TTC28: variants seen among roughly 807,000 people sequenced by gnomAD.
The protein encoded by TTC28 is tetratricopeptide repeat protein 28.
TTC28 carries 61 observed loss-of-function variants against 198.0 expected under a neutral mutation model. The ratio of observed to expected loss-of-function variants is 0.31; its 90% CI spans 0.25 to 0.38. The LOEUF (loss-of-function observed/expected upper bound fraction) is 0.38, where lower values mean the gene tolerates loss of function less well. Ranked by LOEUF, TTC28 falls within the 10% of genes least tolerant of loss-of-function variation. TTC28 has a pLI of 1.00. For synonymous variants in TTC28, 1,171 were observed against 1,297.8 expected, an observed-to-expected ratio of 0.90 and a Z score of 2.10; for missense variants, 2,678 against 3,164.0, an observed-to-expected ratio of 0.85 and a Z score of 3.69.
chr22:28,098,022 T>C (rs951815416), intron 10 of TTC28, among the ~76,000 whole-genome samples: 2 of 152,198 alleles, frequency 1.3e-5, no homozygotes, highest in African/African-American at 4.8e-5. Flanking sequence ...GGCCTCAACA[T>C]CCAAATTCAA....
At chr22:28,265,224 C>A (rs1488102532) in intron 5 of TTC28, among the ~76,000 whole-genome samples, 2 of 152,124 alleles carry the variant, frequency 1.3e-5, no homozygotes, top group Non-Finnish European at 2.9e-5. Flanking sequence ...TGATGTACTG[C>A]TCGATTGTAA....
intron 6 of TTC28, among the ~76,000 whole-genome samples, chr22:28,131,127 C>T (rs529407801): frequency 1.5e-4 from 23 of 152,216 alleles, no homozygotes; most frequent in African/African-American, 4.3e-4. Context: ...CAGGCAAGGA[C>T]GGTGAATTTA....
chr22:28,019,877 C>A (rs1029018190), intron 13 of TTC28, among the ~76,000 whole-genome samples: 1 of 152,204 alleles, frequency 6.6e-6, no homozygotes, highest in Non-Finnish European at 1.5e-5. Context: ...GTGGCAGGGG[C>A]CATGCTGCCC....
intron 5 of TTC28, among the ~76,000 whole-genome samples, chr22:28,205,716 T>C (rs1926345469): frequency 6.6e-6 from 1 of 152,120 alleles, no homozygotes; most frequent in Non-Finnish European, 1.5e-5. Flanking sequence ...AATGAAGGTA[T>C]GATTTCTCAG....
intron 3 of TTC28, among the ~76,000 whole-genome samples, chr22:28,302,768 G>A (rs892328018): frequency 4.6e-5 from 7 of 152,022 alleles, no homozygotes; most frequent in South Asian, 2.1e-4. Context: ...TCCGCCTCCC[G>A]GGTTCAAGCG....
chr22:28,407,156 A>G (rs1038233709), intron 2 of TTC28, among the ~76,000 whole-genome samples: 2 of 152,270 alleles, frequency 1.3e-5, no homozygotes, highest in Non-Finnish European at 2.9e-5. Context: ...AAGCGGGGAC[A>G]CAATAGTGGA....
chr22:28,468,494 A>G (rs776814801), intron 2 of TTC28, among the ~76,000 whole-genome samples: 1 of 151,314 alleles, frequency 6.6e-6, no homozygotes, highest in African/African-American at 2.4e-5. Context: ...CATTTCTTTC[A>G]TACTTAAAAG....
At chr22:28,428,628 T>TTATTTTATTC (rs2047385829) in intron 2 of TTC28, among the ~76,000 whole-genome samples, 1 of 144,324 alleles carries the variant, frequency 6.9e-6, no homozygotes, top group Non-Finnish European at 1.6e-5. Context: ...TTATTTTATT[T>TTATTTTATTC]TATTTTATTT....
intron 2 of TTC28, among the ~76,000 whole-genome samples, chr22:28,372,084 T>C (rs2046346719): frequency 6.6e-6 from 1 of 151,812 alleles, no homozygotes; most frequent in Non-Finnish European, 1.5e-5. Context: ...CAAGACCCTG[T>C]TTCCCCCTAC....
chr22:28,663,625 A>G (rs2051790613), intron 1 of TTC28, among the ~76,000 whole-genome samples: 2 of 126,232 alleles, frequency 1.6e-5, no homozygotes, highest in African/African-American at 3.1e-5. Context: ...ACTATATCCC[A>G]CACCTGGCTC....
chr22:28,515,961 A>G (rs2048777681), intron 2 of TTC28, among the ~76,000 whole-genome samples: 2 of 152,138 alleles, frequency 1.3e-5, no homozygotes. Flanking sequence ...CCTGGCCAAC[A>G]TGGCGAAACA....
chr22:28,594,766 G>A (rs2050508374), intron 2 of TTC28, among the ~76,000 whole-genome samples: 1 of 152,106 alleles, frequency 6.6e-6, no homozygotes, highest in Non-Finnish European at 1.5e-5. Flanking sequence ...GAATTCTATA[G>A]GAAAAGGAAA....
In TTC28 at chr22:28,163,141, AG is replaced by A; in HGVS notation, c.1391del (p.Ala464ValfsTer17). On this transcript the variant is annotated frameshift_variant, in exon 6 of 23. Coordinates refer to ENST00000397906, the MANE Select transcript of TTC28 (RefSeq NM_001145418.2). LOFTEE classifies it high-confidence loss of function. ...CTGCAGCCCGGTCCTTGAGATCCTC[AG>A]CAATGCCCAGCTGCTGCTCATGGTA... is the stretch of plus-strand genomic sequence containing the variant. ...KQYHEQQLGIAEDLKDRAAEG... is the reference protein window; with the variant it reads ...KQYHEQQLGIXEDLKDRAAEG... 6.4e-7 allele frequency: 1 copy of A among 1,551,682 alleles called. No homozygotes were observed. The highest frequency in any genetic ancestry group is 8.7e-7 in the Non-Finnish European group (1 of 1,146,976).
intron 2 of TTC28, among the ~76,000 whole-genome samples, chr22:28,387,211 C>T (rs190024115): frequency 1.5e-3 from 222 of 152,238 alleles, no homozygotes; most frequent in East Asian, 3.7e-3. Context: ...CCATGGTGTA[C>T]ATGTGCCACA....
intron 2 of TTC28, among the ~76,000 whole-genome samples, chr22:28,528,127 G>C (rs1393537116): frequency 3.3e-5 from 5 of 152,108 alleles, no homozygotes; most frequent in Non-Finnish European, 7.4e-5. Flanking sequence ...CACAGCAATG[G>C]GGTAGAATGA....
chr22:28,101,617 C>T (rs1174087479), intron 8 of TTC28, among the ~76,000 whole-genome samples: 1 of 151,868 alleles, frequency 6.6e-6, no homozygotes, highest in African/African-American at 2.4e-5. Flanking sequence ...GATCCACCCA[C>T]CCCGGTCTCC....
At chr22:28,224,974 T>C (rs1402704938) in intron 5 of TTC28, among the ~76,000 whole-genome samples, 1 of 152,156 alleles carries the variant, frequency 6.6e-6, no homozygotes, top group African/African-American at 2.4e-5. Flanking sequence ...AACCAGTAAA[T>C]GGCAAAGCAC....
At chr22:28,090,476 A>T (rs1028877225) in intron 12 of TTC28, among the ~76,000 whole-genome samples, 4 of 152,124 alleles carry the variant, frequency 2.6e-5, no homozygotes, top group Non-Finnish European at 4.4e-5. Context: ...ATTGTTGTAT[A>T]TTTAGGTTGT....
At chr22:28,530,523 G>C (rs559267892) in intron 2 of TTC28, among the ~76,000 whole-genome samples, 146 of 152,258 alleles carry the variant, frequency 9.6e-4, no homozygotes, top group African/African-American at 2.7e-3. Flanking sequence ...AACCTAGCAA[G>C]GCAGGCCAAC....
Sources: gnomAD v4.1 joint callset for allele counts (sites outside exome capture counted in the v4.1 genomes callset) on GRCh38, gnomAD v4.1.1 for gene constraint, MANE v1.5 for transcripts, NCBI Gene and HGNC (gene_info 2026-07-23, HGNC 2026-07-21) for gene names.